Variants in SLC27A2 observed in about 807,000 individuals in gnomAD.
SLC27A2 encodes solute carrier family 27 member 2.
In SLC27A2, 54 loss-of-function variants were observed where a neutral mutation model predicts 60.0. That is an observed-to-expected ratio of 0.90 (90% CI 0.72 to 1.13). The LOEUF (loss-of-function observed/expected upper bound fraction) is 1.13. Ranked by LOEUF, SLC27A2 falls within the 50% of genes most tolerant of loss-of-function variation. The probability of loss-of-function intolerance (pLI) is 0.00; values close to 1 mark genes in which losing one functional copy is unlikely to be tolerated. For missense variants in SLC27A2, 739 were observed against 777.6 expected (o/e 0.95, Z 0.59); for synonymous variants, 297 against 297.6 (o/e 1.00, Z 0.02).
intron 8 of SLC27A2, among the ~76,000 whole-genome samples, chr15:50,230,236 CAA>C (rs921052664): frequency 2.9e-4 from 14 of 48,664 alleles, no homozygotes; most frequent in Admixed American, 4.8e-4. Flanking sequence ...TCTGTCTCAC[CAA>C]AAAAAAAAAA....
At chr15:50,185,786 C>T (rs927194731) in intron 1 of SLC27A2, among the ~76,000 whole-genome samples, 3 of 151,886 alleles carry the variant, frequency 2.0e-5, no homozygotes, top group Non-Finnish European at 2.9e-5. Context: ...CCCGCCACCA[C>T]GCCCGGATAA....
At chr15:50,221,734 C>T (rs575236299) in intron 4 of SLC27A2, among the ~76,000 whole-genome samples, 16 of 152,244 alleles carry the variant, frequency 1.1e-4, no homozygotes, top group African/African-American at 3.9e-4. Context: ...GCACTGTTAC[C>T]CCATTTCATT....
intron 4 of SLC27A2, among the ~76,000 whole-genome samples, chr15:50,222,656 A>G (rs2140911191): frequency 6.6e-6 from 1 of 152,344 alleles, no homozygotes; most frequent in East Asian, 1.9e-4. Context: ...AAATGTTGGC[A>G]TCACCTGGTT....
chr15:50,228,818 G>T, intron 7 of SLC27A2, 127 bp from the exon 8 acceptor site: 1 of 677,800 alleles, frequency 1.5e-6, no homozygotes. Flanking sequence ...TGGGGAGTTT[G>T]AGGGGCCAAG....
intron 2 of SLC27A2, among the ~76,000 whole-genome samples, chr15:50,199,384 GA>G (rs1417144104): frequency 1.3e-5 from 2 of 150,636 alleles, no homozygotes; most frequent in Non-Finnish European, 2.9e-5. Context: ...TGAAGCAGGA[GA>G]ATGGCATGCA....
Position 50,222,993 on chromosome 15 carries a change from G to C in SLC27A2, c.1001G>C (p.Arg334Thr), listed in dbSNP as rs145020577. The change falls in exon 5 of 10, where the codon AGA becomes ACA. Residue 334 changes from arginine to threonine, a missense_variant. Arg to Thr is a moderately conservative substitution (Grantham distance 71). Coordinates refer to ENST00000267842, the MANE Select transcript of SLC27A2 (RefSeq NM_003645.4). ...CCAAATGACCGTGATCATAAAGTGA[G>C]ACTGGCACTGGGAAATGGCTTACGA... ...QKPNDRDHKV[R>T]LALGNGLRGD... 1.1e-5 allele frequency: 17 copies of C among 1,612,722 alleles called. No individual in the cohort carries two copies. The African/African-American group carries it at 2.3e-4, about 22-fold the overall frequency.
At chr15:50,196,075 AAAATATATATATATATATATATATAT>A (rs1334116477) in intron 1 of SLC27A2, among the ~76,000 whole-genome samples, 354 of 18,128 alleles carry the variant, frequency 0.02, 42 homozygotes, top group South Asian at 0.13. Context: ...AAAAAAAAAA[AAAATATATATATATATATATATATAT>A]ATATATATAT....
chr15:50,227,120 T>G lies in SLC27A2; in HGVS notation c.1399T>G (p.Leu467Val). 2 of 1,613,266 alleles carry G rather than the reference T, an allele frequency of 1.2e-6. No individual in the cohort carries two copies. The highest frequency in any genetic ancestry group is 8.5e-7 in the Non-Finnish European group (1 of 1,179,654). ...CCTCTATTTCAACAGTGGAGATCTC[T>G]TAATGGTTGACCATGAAAATTTCAT... The part of the protein sequence containing the change: ...GDLYFNSGDL[L>V]MVDHENFIYF... Residue 467 changes from leucine (L) to valine (V), a missense_variant, in exon 7 of 10, where the codon TTA becomes GTA. Coordinates refer to ENST00000267842, the MANE Select transcript of SLC27A2 (RefSeq NM_003645.4).
intron 2 of SLC27A2, among the ~76,000 whole-genome samples, chr15:50,201,635 A>C (rs2045064171): frequency 6.6e-6 from 1 of 151,504 alleles, no homozygotes; most frequent in African/African-American, 2.4e-5. Flanking sequence ...GGCTCACTGC[A>C]ACCTTTGCCT....
At chr15:50,197,740 A>G (rs777870826) in intron 2 of SLC27A2, 31 bp downstream of exon 2, 14 of 1,530,824 alleles carry the variant, frequency 9.1e-6, no homozygotes, top group Non-Finnish European at 1.3e-5. Flanking sequence ...CTCCAAAAAA[A>G]TTAATCTGAA....
At chr15:50,196,871 G>T (rs1461355863) in intron 1 of SLC27A2, among the ~76,000 whole-genome samples, 2 of 152,090 alleles carry the variant, frequency 1.3e-5, no homozygotes, top group Non-Finnish European at 2.9e-5. Context: ...GTTACATAAA[G>T]TTAGCTTCTA....
intron 1 of SLC27A2, among the ~76,000 whole-genome samples, chr15:50,188,077 C>T (rs77254555): frequency 0.074 from 11,282 of 152,018 alleles, 457 homozygotes; most frequent in South Asian, 0.12. Flanking sequence ...ATCTTACAGT[C>T]CAGTAAAAGA....
intron 7 of SLC27A2, among the ~76,000 whole-genome samples, chr15:50,227,431 A>C (rs552603348): frequency 2.6e-5 from 4 of 152,366 alleles, no homozygotes; most frequent in Admixed American, 2.6e-4. Context: ...TGGAGACAAA[A>C]GTACATTTAA....
chr15:50,196,073 A>T (rs1450621818), intron 1 of SLC27A2, among the ~76,000 whole-genome samples: 1 of 19,206 alleles, frequency 5.2e-5, no homozygotes, highest in African/African-American at 1.9e-4. Flanking sequence ...AAAAAAAAAA[A>T]AAAAATATAT....
intron 4 of SLC27A2, among the ~76,000 whole-genome samples, chr15:50,218,692 A>T (rs1302346019): frequency 6.6e-6 from 1 of 152,208 alleles, no homozygotes; most frequent in Non-Finnish European, 1.5e-5. Flanking sequence ...CTCCACAAAA[A>T]AATAGTAAAA....
intron 1 of SLC27A2, among the ~76,000 whole-genome samples, chr15:50,191,371 G>A (rs1281509918): frequency 6.6e-6 from 1 of 152,188 alleles, no homozygotes; most frequent in Non-Finnish European, 1.5e-5. Flanking sequence ...TGGTTGAAGA[G>A]AGACACTTTG....
chr15:50,218,081 A>G (rs1442024337), intron 4 of SLC27A2, among the ~76,000 whole-genome samples: 1 of 151,306 alleles, frequency 6.6e-6, no homozygotes, highest in South Asian at 2.1e-4. Context: ...AAAAAAAAAA[A>G]AAAAACCGGG....
intron 1 of SLC27A2, among the ~76,000 whole-genome samples, chr15:50,191,473 G>A (rs2044973783): frequency 6.6e-6 from 1 of 152,198 alleles, no homozygotes; most frequent in Admixed American, 6.5e-5. Context: ...TAATTTAGGA[G>A]GTAACTCTGA....
Position 50,202,538 on chromosome 15 carries a change from G to C in SLC27A2, c.740G>C (p.Gly247Ala). The C allele has an allele frequency of 6.2e-7, 1 of 1,614,148 alleles. No individual in the cohort carries two copies. Among genetic ancestry groups the C allele is most frequent in the Non-Finnish European group, 8.5e-7 (1 of 1,180,022 alleles). The part of the protein sequence containing the change: ...ITHQRIWYGT[G>A]LTFVSGLKAD... Reference sequence around the variant, plus strand: ...CATCAGCGCATATGGTATGGAACTGGCCTCACTTTTGTAAGCGGATTGAAG... The same window carrying C: ...CATCAGCGCATATGGTATGGAACTGCCCTCACTTTTGTAAGCGGATTGAAG... The change falls in exon 3 of 10, where the codon GGC (glycine) becomes GCC (alanine). Residue 247 changes from glycine to alanine, a missense_variant. Physicochemically the swap from Gly to Ala is moderately conservative, Grantham distance 60. Coordinates refer to ENST00000267842, the MANE Select transcript of SLC27A2 (RefSeq NM_003645.4).
Sources: allele counts gnomAD v4.1 joint callset (sites outside exome capture counted in the v4.1 genomes callset), GRCh38; gene constraint gnomAD v4.1.1; transcripts MANE v1.5; gene names NCBI Gene and HGNC (gene_info 2026-07-23, HGNC 2026-07-21).